The following LEPR variants were observed in gnomAD, a reference collection of about 807,000 sequenced individuals.
LEPR encodes OB receptor.
Under a neutral mutation model 114.7 loss-of-function variants are expected in LEPR, and 56 were observed. The ratio of observed to expected loss-of-function variants is 0.49; its 90% CI spans 0.39 to 0.61. The LOEUF (loss-of-function observed/expected upper bound fraction) is 0.61, where lower values mean the gene tolerates loss of function less well. LEPR is among the 20% of genes least tolerant of loss of function. The pLI, the probability that LEPR is intolerant of heterozygous loss-of-function variation, is 0.00. For synonymous variants in LEPR, 443 were observed against 461.4 expected (o/e 0.96, Z 0.51); for missense variants, 1,202 against 1,352.9 (o/e 0.89, Z 1.75).
At chr1:65,623,200 C>G in intron 19 of LEPR, 1 of 529,550 alleles carries the variant, frequency 1.9e-6, no homozygotes, top group Non-Finnish European at 3.4e-6. Flanking sequence ...TATGAGAGTT[C>G]ACAATATACA....
intron 2 of LEPR, among the ~76,000 whole-genome samples, chr1:65,530,110 T>C (rs1035832213): frequency 6.6e-6 from 1 of 152,198 alleles, no homozygotes; most frequent in Non-Finnish European, 1.5e-5. Flanking sequence ...GTTCAAATTC[T>C]CCACATGGAA....
intron 2 of LEPR, among the ~76,000 whole-genome samples, chr1:65,531,838 A>G (rs1175005849): frequency 6.6e-6 from 1 of 152,108 alleles, no homozygotes; most frequent in Admixed American, 6.6e-5. Context: ...CACTATAAAT[A>G]AAGCAGCTAT....
chr1:65,605,054 T>A lies in LEPR; in HGVS notation c.1420T>A (p.Ser474Thr), dbSNP rs1656724731. ...LRYHRSSLYC[S>T]DIPSIHPISE... is the part of the protein sequence containing the mutation. ...CTTTTAAAGGAGCAGCCTTTACTGT[T>A]CTGATATTCCATCTATTCATCCCAT... is the stretch of plus-strand genomic sequence containing the variant. Residue 474 changes from serine to threonine, a missense_variant, in exon 11 of 20, where the codon TCT (serine) becomes ACT (threonine). Coordinates refer to ENST00000349533, the MANE Select transcript of LEPR (RefSeq NM_002303.6). 7 of 1,613,410 alleles carry A rather than the reference T, an allele frequency of 4.3e-6. No homozygotes were observed. The highest frequency in any genetic ancestry group is 4.2e-6 in the Non-Finnish European group (5 of 1,180,022).
chr1:65,501,185 C>T (rs1648431901), intron 2 of LEPR, among the ~76,000 whole-genome samples: 1 of 151,944 alleles, frequency 6.6e-6, no homozygotes, highest in Non-Finnish European at 1.5e-5. Flanking sequence ...GCCTTTAAAA[C>T]ATACTACAAA....
intron 5 of LEPR, among the ~76,000 whole-genome samples, chr1:65,586,340 A>G (rs1012066253): frequency 5.3e-5 from 8 of 152,090 alleles, no homozygotes; most frequent in South Asian, 2.1e-4. Context: ...TTGATGATAT[A>G]TTTAATGTGC....
At chr1:65,455,784 C>T (rs1274914713) in intron 2 of LEPR, among the ~76,000 whole-genome samples, 1 of 152,216 alleles carries the variant, frequency 6.6e-6, no homozygotes, top group African/African-American at 2.4e-5. Flanking sequence ...GGCAGGCAGG[C>T]CTCTTTGAGC....
intron 5 of LEPR, among the ~76,000 whole-genome samples, chr1:65,573,242 A>G (rs1218296619): frequency 6.6e-6 from 1 of 152,204 alleles, no homozygotes; most frequent in Admixed American, 6.5e-5. Context: ...TGAGTCATGC[A>G]GGCCTGGACA....
intron 2 of LEPR, among the ~76,000 whole-genome samples, chr1:65,555,238 A>G (rs1430877846): frequency 6.6e-6 from 1 of 152,208 alleles, no homozygotes; most frequent in Admixed American, 6.5e-5. Context: ...CAGCAATAGC[A>G]TGTTCTCACA....
At chr1:65,605,785 C>T (rs1656769056) in intron 11 of LEPR, among the ~76,000 whole-genome samples, 1 of 152,088 alleles carries the variant, frequency 6.6e-6, no homozygotes, top group South Asian at 2.1e-4. Context: ...TAAGAGAGCC[C>T]TTGGAAAATG....
In LEPR at chr1:65,633,584, A is replaced by G; in HGVS notation, c.2674-2607A>G. On this transcript the variant is annotated intron_variant, in intron 19 of 19. Transcript: ENST00000349533. The surrounding 1 kb of genome is among the most constrained non-coding windows in gnomAD (Gnocchi z 4.1). ...TCTAAAACTGCAACATCTGACAAAT[A>G]GCTTTAAAAATACAATGATTATAAG... 1 of 993,598 alleles carries G rather than the reference A, an allele frequency of 1.0e-6. No individual in the cohort carries two copies. The highest frequency in any genetic ancestry group is 1.2e-6 in the Non-Finnish European group (1 of 834,360). The allele number at this position is 993,598 out of a possible 1,614,324, so 61.5% of individuals were successfully genotyped here. A position where few individuals can be genotyped will look rare whatever the true frequency, so the allele number is the denominator to read the frequency against.
intron 2 of LEPR, among the ~76,000 whole-genome samples, chr1:65,476,572 T>A (rs1647162413): frequency 6.6e-6 from 1 of 152,072 alleles, no homozygotes; most frequent in South Asian, 2.1e-4. Context: ...CTGACCTTTA[T>A]CCACATCCTT....
At chr1:65,608,957 T>A in intron 12 of LEPR, 56 bp downstream of exon 12, 1 of 1,600,174 alleles carries the variant, frequency 6.2e-7, no homozygotes, top group East Asian at 2.2e-5. Flanking sequence ...TTATAATATG[T>A]AAGAGTTTAA....
At position 65,638,354 on chromosome 1, in the gene LEPR, G is replaced by T. The variant is rs1421199754; in HGVS notation, c.*1339G>T. On this transcript the variant is annotated 3_prime_UTR_variant, in exon 20 of 20. Coordinates refer to ENST00000349533, the MANE Select transcript of LEPR (RefSeq NM_002303.6). The stretch of plus-strand genomic sequence containing the variant: ...AAGTTTATTATTTATTCAACTTTTG[G>T]TACGGTAAAAAAATTCAAAGACAGC... 2.0e-5 allele frequency: 3 copies of T among 151,948 alleles called. No homozygotes were observed. Among genetic ancestry groups the T allele is most frequent in the Non-Finnish European group, 4.4e-5 (3 of 68,012 alleles). The allele number at this position is 151,948 out of a possible 1,614,324, so 9.4% of individuals were successfully genotyped here.
intron 2 of LEPR, among the ~76,000 whole-genome samples, chr1:65,528,261 A>C (rs1019148467): frequency 1.1e-4 from 16 of 152,182 alleles, no homozygotes; most frequent in Admixed American, 7.2e-4. Context: ...TGGAGTTAAA[A>C]ATGAAGAAAA....
At chr1:65,476,248 T>C (rs1647158543) in intron 2 of LEPR, among the ~76,000 whole-genome samples, 1 of 151,800 alleles carries the variant, frequency 6.6e-6, no homozygotes. Flanking sequence ...TGGCTCTGGT[T>C]AGCTCTTTAT....
chr1:65,491,474 C>T (rs1449174646), intron 2 of LEPR, among the ~76,000 whole-genome samples: 1 of 152,020 alleles, frequency 6.6e-6, no homozygotes, highest in Admixed American at 6.6e-5. Flanking sequence ...TGCTAAGTGA[C>T]TATTAAGGTA....
chr1:65,595,667 C>T (rs1249033742), intron 6 of LEPR, among the ~76,000 whole-genome samples: 1 of 151,888 alleles, frequency 6.6e-6, no homozygotes, highest in East Asian at 1.9e-4. Flanking sequence ...AAATAAAATT[C>T]AAATCAGTGT....
At position 65,610,295 on chromosome 1, in the gene LEPR, A is replaced by C. The variant is rs781675981; in HGVS notation, c.1994A>C (p.Lys665Thr). 3.1e-6 allele frequency: 5 copies of C among 1,606,746 alleles called. No homozygotes were observed. In the East Asian group the frequency reaches 1.1e-4, roughly 36 times the overall value. ...KKEKNVTLLW[K>T]PLMKNDSLCS... ...GAGAAAAATGTCACTTTACTTTGGA[A>C]GGTATTCCCAATTTTAATATTAATC... The change falls in exon 14 of 20, where the codon AAG (lysine) becomes ACG (threonine). Residue 665 changes from lysine (K) to threonine (T), a missense_variant and splice_region_variant. Lys to Thr is a moderately conservative substitution (Grantham distance 78). Coordinates refer to ENST00000349533, the MANE Select transcript of LEPR (RefSeq NM_002303.6).
intron 2 of LEPR, among the ~76,000 whole-genome samples, chr1:65,476,954 A>G (rs967374109): frequency 6.6e-6 from 1 of 152,240 alleles, no homozygotes; most frequent in Non-Finnish European, 1.5e-5. Context: ...GCCAGAGTAC[A>G]TTGTCAAAAT....
Sources: gnomAD v4.1 joint callset for allele counts (sites outside exome capture counted in the v4.1 genomes callset) on GRCh38, gnomAD v4.1.1 for gene constraint, Gnocchi (gnomAD v3.1) non-coding constraint, MANE v1.5 for transcripts, NCBI Gene and HGNC (gene_info 2026-07-23, HGNC 2026-07-21) for gene names.